The following FAM227A variants were observed in gnomAD, a reference collection of about 807,000 sequenced individuals.
FAM227A encodes family with sequence similarity 227 member A.
In FAM227A, 80 loss-of-function variants were observed where a neutral mutation model predicts 74.7. The ratio of observed to expected loss-of-function variants is 1.07; its 90% confidence interval spans 0.89 to 1.29. The LOEUF is 1.29. Ranked by LOEUF, FAM227A falls within the 50% of genes most tolerant of loss-of-function variation. The pLI, the probability that FAM227A is intolerant of heterozygous loss-of-function variation, is 0.00. For synonymous variants in FAM227A, 237 were observed against 241.8 expected (o/e 0.98, Z 0.19); for missense variants, 654 against 683.4 (o/e 0.96, Z 0.48).
Position 38,590,592 on chromosome 22 carries a change from A to G in FAM227A, c.1638+843T>C, listed in dbSNP as rs151136730. ...GACCTTCCCAGTTATTTAAGCTGCT[A>G]CATTCTCCTTCCATTTAAGCTAGTT... On this transcript the variant is annotated intron_variant, in intron 16 of 16. Transcript: ENST00000535113. Among the ~76,000 whole-genome samples the G allele has an allele frequency of 1.8e-3, 279 of 152,318 alleles. 4 individuals are homozygous for G. The highest frequency in any genetic ancestry group is 6.8e-3 in the Middle Eastern group (2 of 294).
In FAM227A at chr22:38,582,887, C is replaced by A. The variant is rs946877696; in HGVS notation, c.*3238G>T. The A allele has an allele frequency of 1.9e-6, 3 of 1,550,480 alleles. No homozygotes were observed. The highest frequency in any genetic ancestry group is 2.6e-6 in the Non-Finnish European group (3 of 1,146,986). ...CTTGCTCCTGGTATATTAGGGAAGGCTCCCAAGATGAGGGACGTCTAAGCG... is the reference window on the plus strand; with the variant it reads ...CTTGCTCCTGGTATATTAGGGAAGGATCCCAAGATGAGGGACGTCTAAGCG... On this transcript the variant is annotated 3_prime_UTR_variant, in exon 17 of 17. Coordinates refer to ENST00000535113, the MANE Select transcript of FAM227A (RefSeq NM_001013647.2).
chr22:38,637,669 G>T (rs1037042586), intron 5 of FAM227A, among the ~76,000 whole-genome samples: 2 of 152,224 alleles, frequency 1.3e-5, no homozygotes, highest in Non-Finnish European at 2.9e-5. Context: ...CCATGTGCTG[G>T]CTGTGCCACC....
intron 6 of FAM227A, among the ~76,000 whole-genome samples, chr22:38,636,164 C>T (rs1031851750): frequency 6.6e-6 from 1 of 152,032 alleles, no homozygotes; most frequent in African/African-American, 2.4e-5. Context: ...TAGTGATTGG[C>T]AACAGAATAA....
chr22:38,582,393 T>G lies in FAM227A; in HGVS notation c.*3732A>C, dbSNP rs1288925651. On this transcript the variant is annotated 3_prime_UTR_variant, in exon 17 of 17. Coordinates refer to ENST00000535113, the MANE Select transcript of FAM227A (RefSeq NM_001013647.2). ...TCTTCCATGCTGAGAGTATGGGTTTTCAGCAACACTGGGAATGACAGAATT... is the reference window on the plus strand; with the variant it reads ...TCTTCCATGCTGAGAGTATGGGTTTGCAGCAACACTGGGAATGACAGAATT... The G allele has an allele frequency of 1.3e-6, 2 of 1,550,598 alleles. No homozygotes were observed.
At chr22:38,591,734 T>C (rs1052448948) in intron 15 of FAM227A, among the ~76,000 whole-genome samples, 194 bp from the exon 16 acceptor site, 2 of 152,132 alleles carry the variant, frequency 1.3e-5, no homozygotes, top group East Asian at 1.9e-4. Context: ...AGCACGCCCA[T>C]GTAACCAGCA....
chr22:38,588,329 G>T (rs989804330), intron 16 of FAM227A, among the ~76,000 whole-genome samples: 1 of 152,074 alleles, frequency 6.6e-6, no homozygotes, highest in Non-Finnish European at 1.5e-5. Context: ...TCTCTACAAA[G>T]AAATTTTAGC....
rs1484357309 is a variant in FAM227A at position 38,585,825 on chromosome 22, TG to T, written c.*299del. Reference sequence around the variant, plus strand: ...GTGGATAATCCCTACTTCATACGGCTGGTATGAAAGTTTTACCTTTGTATGA... The same window carrying T: ...GTGGATAATCCCTACTTCATACGGCTGTATGAAAGTTTTACCTTTGTATGA... On this transcript the variant is annotated 3_prime_UTR_variant, in exon 17 of 17. Transcript: ENST00000535113. 6 of 549,460 alleles carry T rather than the reference TG, an allele frequency of 1.1e-5. No homozygotes were observed. The highest frequency in any genetic ancestry group is 5.1e-4 in the Middle Eastern group (1 of 1,948). 34.0% of individuals were successfully genotyped at this position (549,460 alleles called of 1,614,324 possible). A position where few individuals can be genotyped will look rare whatever the true frequency, so the allele number is the denominator to read the frequency against.
chr22:38,630,217 G>T (rs948461198), intron 6 of FAM227A, among the ~76,000 whole-genome samples: 4 of 152,246 alleles, frequency 2.6e-5, no homozygotes, highest in African/African-American at 9.6e-5. Flanking sequence ...GGATGCAGAC[G>T]GAAAGACCCG....
chr22:38,608,727 G>A (rs2091344329), intron 11 of FAM227A, among the ~76,000 whole-genome samples: 2 of 149,870 alleles, frequency 1.3e-5, no homozygotes, highest in South Asian at 4.3e-4. Flanking sequence ...CACCGTGCCA[G>A]GATAGATTCT....
chr22:38,633,655 C>T (rs1347483773), intron 6 of FAM227A, among the ~76,000 whole-genome samples: 1 of 152,148 alleles, frequency 6.6e-6, no homozygotes, highest in Non-Finnish European at 1.5e-5. Context: ...AATTCTCCTG[C>T]CTCAGCCTCC....
At position 38,580,510 on chromosome 22, in the gene FAM227A, G is replaced by A. The variant is rs2090697693; in HGVS notation, c.*5615C>T. 6.7e-6 allele frequency: 1 copy of A among 149,272 alleles called. No homozygotes were observed. Among genetic ancestry groups the A allele is most frequent in the East Asian group, 1.9e-4 (1 of 5,196 alleles). 9.2% of individuals were successfully genotyped at this position (149,272 alleles called of 1,614,324 possible). A position where few individuals can be genotyped will look rare whatever the true frequency, so the allele number is the denominator to read the frequency against. On this transcript the variant is annotated 3_prime_UTR_variant, in exon 17 of 17. Transcript: ENST00000535113. ...TAGTATCAAAAGGCATTTAATAGCT[G>A]TTTGTCTTTTGTGATGTAAGCAGCC... is the stretch of plus-strand genomic sequence containing the variant.
chr22:38,646,532 G>C (rs1396414049), intron 2 of FAM227A, among the ~76,000 whole-genome samples: 2 of 151,766 alleles, frequency 1.3e-5, no homozygotes, highest in Admixed American at 6.6e-5. Context: ...AAAGTGCTGG[G>C]ATTACAGGCG....
chr22:38,653,709 C>G (rs1461453203), intron 1 of FAM227A: 1 of 152,200 alleles, frequency 6.6e-6, no homozygotes, highest in African/African-American at 2.4e-5. Context: ...AACCATCCCC[C>G]CCATCCCAGG....
intron 11 of FAM227A, among the ~76,000 whole-genome samples, chr22:38,614,273 C>T (rs1469077931): frequency 6.6e-6 from 1 of 152,128 alleles, no homozygotes; most frequent in Non-Finnish European, 1.5e-5. Context: ...CTATCATTTT[C>T]TCCCTCAGAT....
chr22:38,635,452 G>A (rs1283937359), intron 6 of FAM227A, among the ~76,000 whole-genome samples: 1 of 152,098 alleles, frequency 6.6e-6, no homozygotes, highest in African/African-American at 2.4e-5. Context: ...ATGAGGCACA[G>A]CTGTACAGTG....
At chr22:38,600,155 A>C (rs995825418) in intron 13 of FAM227A, among the ~76,000 whole-genome samples, 1 of 152,078 alleles carries the variant, frequency 6.6e-6, no homozygotes, top group South Asian at 2.1e-4. Context: ...ATGTTCAAGA[A>C]GACATTGATC....
At chr22:38,629,388 G>A (rs147389013) in intron 6 of FAM227A, among the ~76,000 whole-genome samples, 2 of 152,224 alleles carry the variant, frequency 1.3e-5, no homozygotes, top group Admixed American at 6.5e-5. Context: ...TGTAGCTTCC[G>A]TTGTCATACA....
chr22:38,639,587 T>C lies in FAM227A; in HGVS notation c.295+68A>G, dbSNP rs775156966. 21 of 1,384,294 alleles carry C rather than the reference T, an allele frequency of 1.5e-5. No homozygotes were observed. In the South Asian group the frequency reaches 1.6e-4, roughly 11 times the overall value. The allele number at this position is 1,384,294 out of a possible 1,614,324, so 85.8% of individuals were successfully genotyped here. On this transcript the variant is annotated intron_variant, in intron 4 of 16. Coordinates refer to ENST00000535113, the MANE Select transcript of FAM227A (RefSeq NM_001013647.2). ...TCTGAAACTTGGGATTCCTACTCAG[T>C]TGCATTTTAGATACTAAAAAAACAA...
In FAM227A at chr22:38,589,433, G is replaced by A. The variant is rs552650959; in HGVS notation, c.1638+2002C>T. ...AGAAAATTAAAGGATCAGTCCAGCAGGTCTGACAATTGACTATCATAGTTC... is the reference window on the plus strand; with the variant it reads ...AGAAAATTAAAGGATCAGTCCAGCAAGTCTGACAATTGACTATCATAGTTC... On this transcript the variant is annotated intron_variant, in intron 16 of 16. Transcript: ENST00000535113. 2.1e-4 allele frequency among the ~76,000 whole-genome samples: 32 copies of A among 152,248 alleles called. No individual in the cohort carries two copies. In the South Asian group the frequency reaches 6.6e-3, roughly 32 times the overall value.
Sources: gnomAD v4.1 joint callset for allele counts (sites outside exome capture counted in the v4.1 genomes callset) on GRCh38, gnomAD v4.1.1 for gene constraint, MANE v1.5 for transcripts, NCBI Gene and HGNC (gene_info 2026-07-23, HGNC 2026-07-21) for gene names.